CES5A: variants seen among roughly 807,000 people sequenced by gnomAD.
CES5A encodes the protein carboxylesterase 5A.
In CES5A, 67 loss-of-function variants were observed where a neutral mutation model predicts 62.9. The observed-to-expected ratio is 1.07, with a 90% CI of 0.88 to 1.31. The LOEUF is 1.31. Among genes scored for constraint, CES5A ranks in the 50% most tolerant of loss-of-function variants. The probability of loss-of-function intolerance (pLI) is 0.00; values close to 1 mark genes in which losing one functional copy is unlikely to be tolerated. For synonymous variants in CES5A, 296 were observed against 280.8 expected (o/e 1.05, Z -0.54); for missense variants, 748 against 708.5 (o/e 1.06, Z -0.63).
chr16:55,895,951 C>G (rs1214685070), intron 1 of CES5A, among the ~76,000 whole-genome samples: 1 of 152,094 alleles, frequency 6.6e-6, no homozygotes, highest in African/African-American at 2.4e-5. Context: ...TGGATTAGTT[C>G]CTGAGAGAGA....
rs145350634 is a variant in CES5A at position 55,917,544 on chromosome 16, G to A, written c.-256+7779C>T. 4.5e-4 allele frequency among the ~76,000 whole-genome samples: 68 copies of A among 152,322 alleles called. No individual in the cohort carries two copies. In the East Asian group the frequency reaches 0.011, roughly 25 times the overall value. On this transcript the variant is annotated intron_variant, in intron 1 of 12. Transcript: ENST00000518005. ...GGACCAGGGGTCTCAGTTCCTCACT[G>A]GCCATTGGCCAAATGCCTTCTACAG...
chr16:55,911,071 T>C (rs1314541120), intron 1 of CES5A, among the ~76,000 whole-genome samples: 7 of 152,196 alleles, frequency 4.6e-5, no homozygotes. Flanking sequence ...CCAGTGCTCC[T>C]GCCTCCCAAG....
At chr16:55,873,811 G>T in intron 2 of CES5A, 22 bp downstream of exon 2, 2 of 1,600,568 alleles carry the variant, frequency 1.2e-6, no homozygotes, top group Non-Finnish European at 1.7e-6. Context: ...CAAACCACCC[G>T]TGGGCCCGAA....
chr16:55,919,379 C>A (rs2034178949), intron 1 of CES5A, among the ~76,000 whole-genome samples: 1 of 152,218 alleles, frequency 6.6e-6, no homozygotes, highest in Non-Finnish European at 1.5e-5. Flanking sequence ...AGTTTCATGT[C>A]CATTGCCTGC....
At chr16:55,917,409 C>A (rs1023193430) in intron 1 of CES5A, among the ~76,000 whole-genome samples, 6 of 152,216 alleles carry the variant, frequency 3.9e-5, no homozygotes, top group South Asian at 2.1e-4. Flanking sequence ...AGATTATGGT[C>A]ATGCTGTTGG....
chr16:55,876,758 G>T (rs1387496122), upstream of CES5A, among the ~76,000 whole-genome samples: 1 of 151,970 alleles, frequency 6.6e-6, no homozygotes, highest in Non-Finnish European at 1.5e-5. Context: ...ATCTCAGGGG[G>T]TGGTCCTATT....
At chr16:55,871,495 G>A in intron 3 of CES5A, 130 bp downstream of exon 3, 1 of 988,602 alleles carries the variant, frequency 1.0e-6, no homozygotes. Context: ...TTTAAAAATT[G>A]TTGATGTGAT....
At chr16:55,901,120 G>T (rs565750774) in intron 1 of CES5A, among the ~76,000 whole-genome samples, 2 of 152,256 alleles carry the variant, frequency 1.3e-5, no homozygotes, top group Admixed American at 6.5e-5. Flanking sequence ...AATCATGTGG[G>T]TGGGTCTTTC....
At chr16:55,955,954 T>G in exon 1 of CES5A, 1 of 1,460,362 alleles carries the variant, frequency 6.8e-7, no homozygotes, top group Non-Finnish European at 9.3e-7. Context: ...GCCCCAGTCC[T>G]CTTGCACATC....
At chr16:55,936,190 C>T (rs1437622389) in intron 2 of CES5A, among the ~76,000 whole-genome samples, 1 of 152,206 alleles carries the variant, frequency 6.6e-6, no homozygotes, top group African/African-American at 2.4e-5. Context: ...GGACCATCCT[C>T]AGCAGCATGC....
rs1241148532 is a variant in CES5A at position 55,866,113 on chromosome 16, T to C, written c.555A>G (p.Thr185=). Residue 185 remains threonine, a synonymous_variant, in exon 5 of 13, where the codon ACA becomes ACG. Coordinates refer to ENST00000290567, the MANE Select transcript of CES5A (RefSeq NM_001143685.2). ...AGTTCCCCGGAGCATGCTGATCCCA[T>C]GTGCTGAGGACAAGAGGCAGGGTGA... ...YRLGIFGFFT[T]WDQHAPGNWA... 2.2e-5 allele frequency: 35 copies of C among 1,610,914 alleles called. No individual in the cohort carries two copies. Among genetic ancestry groups the C allele is most frequent in the East Asian group, 4.5e-5 (2 of 44,796 alleles).
chr16:55,877,407 T>C (rs2033710037), upstream of CES5A, among the ~76,000 whole-genome samples: 1 of 150,858 alleles, frequency 6.6e-6, no homozygotes, highest in Non-Finnish European at 1.5e-5. Flanking sequence ...CATGTATACA[T>C]ATGTGTGTGT....
intron 1 of CES5A, among the ~76,000 whole-genome samples, chr16:55,874,446 T>C (rs1288942279): frequency 6.6e-6 from 1 of 151,968 alleles, no homozygotes; most frequent in Non-Finnish European, 1.5e-5. Context: ...ACTGCTGGCA[T>C]ATCTGTGCAG....
intron 9 of CES5A, among the ~76,000 whole-genome samples, chr16:55,854,532 T>TTTTTTTTTC (rs2033196813): frequency 1.7e-5 from 1 of 59,122 alleles, no homozygotes; most frequent in East Asian, 8.0e-4. Flanking sequence ...GTAGTGTTTC[T>TTTTTTTTTC]TTTTTTTTTT....
chr16:55,949,361 C>A (rs2034530078), intron 2 of CES5A, among the ~76,000 whole-genome samples: 1 of 152,214 alleles, frequency 6.6e-6, no homozygotes, highest in South Asian at 2.1e-4. Flanking sequence ...GGGCTGCTGG[C>A]CGCCAGGGGC....
chr16:55,951,754 C>G (rs2034560032), intron 1 of CES5A, among the ~76,000 whole-genome samples: 1 of 152,098 alleles, frequency 6.6e-6, no homozygotes, highest in African/African-American at 2.4e-5. Context: ...GATATCTCAG[C>G]CATGAACTTT....
At chr16:55,929,877 C>A (rs1487889213), upstream of CES5A, among the ~76,000 whole-genome samples, 5 of 151,946 alleles carry the variant, frequency 3.3e-5, no homozygotes, top group Admixed American at 6.6e-5. Context: ...TGATTTTTGG[C>A]CCCCACTTCA....
rs1395789163 is a variant in CES5A at position 55,894,513 on chromosome 16, AAAG to A, written c.-255-20479_-255-20477del. Among the ~76,000 whole-genome samples, 55 of 139,818 alleles carry A rather than the reference AAAG, an allele frequency of 3.9e-4. No homozygotes were observed. The South Asian group carries it at 4.3e-3, about 11-fold the overall frequency. 91.7% of individuals were successfully genotyped at this position (139,818 alleles called of 152,430 possible). A position where few individuals can be genotyped will look rare whatever the true frequency, so the allele number is the denominator to read the frequency against. On this transcript the variant is annotated intron_variant, in intron 1 of 12. Coordinates refer to the CES5A transcript ENST00000518005. ...AACTCTGTCTCAAAAAAAAAAAAAA[AAAG>A]AAAAGAAAAGAAAAGAAATAATAAA...
At chr16:55,937,878 G>T (rs1013516020) in intron 2 of CES5A, among the ~76,000 whole-genome samples, 11 of 152,144 alleles carry the variant, frequency 7.2e-5, no homozygotes, top group Non-Finnish European at 1.6e-4. Flanking sequence ...CCATGCTCTT[G>T]ACAACCATGC....
Sources: gnomAD v4.1 joint callset for allele counts (sites outside exome capture counted in the v4.1 genomes callset) on GRCh38, gnomAD v4.1.1 for gene constraint, MANE v1.5 for transcripts, NCBI Gene and HGNC (gene_info 2026-07-23, HGNC 2026-07-21) for gene names.